The following B4GALT1 variants were observed in gnomAD, a reference collection of about 807,000 sequenced individuals.
B4GALT1 encodes the protein N-acetyllactosamine synthase.
A neutral mutation model predicts 34.9 loss-of-function variants in B4GALT1; 16 were observed. The ratio of observed to expected loss-of-function variants is 0.46; its 90% CI spans 0.31 to 0.70. The LOEUF (loss-of-function observed/expected upper bound fraction) is 0.70. Ranked by LOEUF, B4GALT1 falls within the 30% of genes least tolerant of loss-of-function variation. The pLI, the probability that B4GALT1 is intolerant of heterozygous loss-of-function variation, is 0.05. For synonymous variants in B4GALT1, 221 were observed against 218.1 expected, an observed-to-expected ratio of 1.01 and a Z score of -0.12; for missense variants, 445 against 530.5, an observed-to-expected ratio of 0.84 and a Z score of 1.58.
At chr9:33,135,548 G>T in intron 1 of B4GALT1, 124 bp from the exon 2 acceptor site, 1 of 973,982 alleles carries the variant, frequency 1.0e-6, no homozygotes. Flanking sequence ...GGGAGGCAAC[G>T]TGGCCACGGA....
the B4GALT1 span, among the ~76,000 whole-genome samples, chr9:33,172,469 C>T: frequency 6.6e-6 from 1 of 152,268 alleles, no homozygotes; most frequent in South Asian, 2.1e-4. Flanking sequence ...CCTGTTTGTT[C>T]CAACTGATTT....
At chr9:33,180,758 C>T in the B4GALT1 span, among the ~76,000 whole-genome samples, 2 of 152,148 alleles carry the variant, frequency 1.3e-5, no homozygotes, top group South Asian at 4.1e-4. Context: ...AGGGGAGGAA[C>T]GAATCTTCCC....
At chr9:33,155,067 C>A (rs1005762536) in intron 1 of B4GALT1, among the ~76,000 whole-genome samples, 2 of 152,114 alleles carry the variant, frequency 1.3e-5, no homozygotes, top group African/African-American at 4.8e-5. Flanking sequence ...AATGGTCCTA[C>A]CACAAAGCCA....
chr9:33,107,796 G>A (rs986942359), downstream of B4GALT1, among the ~76,000 whole-genome samples: 3 of 152,010 alleles, frequency 2.0e-5, no homozygotes, highest in Non-Finnish European at 4.4e-5. Context: ...TGGGGAGGGG[G>A]TTAAACCTCT....
chr9:33,145,564 G>A (rs1840413169), intron 1 of B4GALT1, among the ~76,000 whole-genome samples: 1 of 152,166 alleles, frequency 6.6e-6, no homozygotes, highest in African/African-American at 2.4e-5. Context: ...AGAGAATCCT[G>A]GCAGACAAGG....
At chr9:33,135,925 G>C (rs1356259258) in intron 1 of B4GALT1, among the ~76,000 whole-genome samples, 1 of 151,440 alleles carries the variant, frequency 6.6e-6, no homozygotes, top group African/African-American at 2.4e-5. Context: ...GTGTGTGTGT[G>C]TGTGTGTGTG....
At chr9:33,177,305 A>AC in the B4GALT1 span, 1 of 151,848 alleles carries the variant, frequency 6.6e-6, no homozygotes, top group Non-Finnish European at 1.5e-5. Context: ...CCTCCTTCCT[A>AC]CCCTTCAGGA....
At chr9:33,166,653 G>A in intron 1 of B4GALT1, 105 bp downstream of exon 1, 1 of 1,254,602 alleles carries the variant, frequency 8.0e-7, no homozygotes, top group Non-Finnish European at 1.1e-6. Context: ...GAAGAGGGAG[G>A]CTGGCTGTCG....
At chr9:33,176,849 T>A in the B4GALT1 span, among the ~76,000 whole-genome samples, 17 of 146,176 alleles carry the variant, frequency 1.2e-4, no homozygotes, top group South Asian at 1.3e-3. Context: ...CATTTTTTTT[T>A]AAATTGCTAC....
chr9:33,128,901 T>C (rs1418347245), intron 2 of B4GALT1, among the ~76,000 whole-genome samples: 1 of 152,146 alleles, frequency 6.6e-6, no homozygotes, highest in Non-Finnish European at 1.5e-5. Flanking sequence ...ACTGCTGAGG[T>C]AGGGTGACAG....
At position 33,166,832 on chromosome 9, in the gene B4GALT1, T is replaced by C; in HGVS notation, c.338A>G (p.Asn113Ser). The change falls in exon 1 of 6, where the codon AAC becomes AGC. Residue 113 changes from asparagine (N) to serine (S), a missense_variant. Asn to Ser is a conservative substitution (Grantham distance 46). Coordinates refer to ENST00000379731, the MANE Select transcript of B4GALT1 (RefSeq NM_001497.4). Reference sequence around the variant, plus strand: ...GTGGGGCACTGGGACCGAGGTCAAGTTGCTAGCGGGGCCAGGGCCAGAATC... The same window carrying C: ...GTGGGGCACTGGGACCGAGGTCAAGCTGCTAGCGGGGCCAGGGCCAGAATC... ...VVDSGPGPASNLTSVPVPHTT... is the reference protein window; with the variant it reads ...VVDSGPGPASSLTSVPVPHTT... 6.4e-7 allele frequency: 1 copy of C among 1,553,852 alleles called. No individual in the cohort carries two copies. The highest frequency in any genetic ancestry group is 8.7e-7 in the Non-Finnish European group (1 of 1,155,848).
In B4GALT1 at chr9:33,156,121, CT is replaced by C. The variant is rs766721273; in HGVS notation, c.412+10636del. Among the ~76,000 whole-genome samples the C allele has an allele frequency of 3.1e-3, 452 of 144,752 alleles. 2 individuals carry two copies. The highest frequency in any genetic ancestry group is 0.016 in the East Asian group (81 of 4,974). 95.0% of individuals were successfully genotyped at this position (144,752 alleles called of 152,430 possible). A position where few individuals can be genotyped will look rare whatever the true frequency, so the allele number is the denominator to read the frequency against. Reference sequence around the variant, plus strand: ...ATGCCCCATCTGCTGGATCTGTAAACTTTTTTTTTTTTCGGGGGGCGGGGGA... The same window carrying C: ...ATGCCCCATCTGCTGGATCTGTAAACTTTTTTTTTTTCGGGGGGCGGGGGA... On this transcript the variant is annotated intron_variant, in intron 1 of 5. Transcript: ENST00000379731.
intron 1 of B4GALT1, among the ~76,000 whole-genome samples, chr9:33,149,013 G>T (rs1840469692): frequency 6.6e-6 from 1 of 152,034 alleles, no homozygotes; most frequent in African/African-American, 2.4e-5. Context: ...ATTAATATAT[G>T]AATTAATTAA....
chr9:33,181,463 C>T, the B4GALT1 span, among the ~76,000 whole-genome samples: 2 of 150,638 alleles, frequency 1.3e-5, no homozygotes, highest in South Asian at 4.2e-4. Context: ...CACACACAAA[C>T]TATTCTTAGA....
At chr9:33,172,670 C>T in the B4GALT1 span, among the ~76,000 whole-genome samples, 1 of 152,192 alleles carries the variant, frequency 6.6e-6, no homozygotes, top group South Asian at 2.1e-4. Flanking sequence ...TGCAGTGGCT[C>T]ACGCCTTTAA....
At chr9:33,176,323 A>G in the B4GALT1 span, among the ~76,000 whole-genome samples, 6 of 152,186 alleles carry the variant, frequency 3.9e-5, no homozygotes, top group Non-Finnish European at 7.3e-5. Flanking sequence ...CTTGTAGGGG[A>G]AAAAACTGTG....
At chr9:33,146,739 G>A (rs1840431451) in intron 1 of B4GALT1, among the ~76,000 whole-genome samples, 1 of 151,038 alleles carries the variant, frequency 6.6e-6, no homozygotes, top group Non-Finnish European at 1.5e-5. Flanking sequence ...TGTCACTCAG[G>A]CTGGAGTGCA....
intron 3 of B4GALT1, among the ~76,000 whole-genome samples, chr9:33,119,356 G>A (rs1839987290): frequency 6.6e-6 from 1 of 152,196 alleles, no homozygotes. Flanking sequence ...CATTTTGGTG[G>A]AAAAATTTGG....
At chr9:33,176,541 T>G in the B4GALT1 span, among the ~76,000 whole-genome samples, 1 of 152,156 alleles carries the variant, frequency 6.6e-6, no homozygotes, top group African/African-American at 2.4e-5. Flanking sequence ...AGAACAAAAT[T>G]ATGTCCTTTG....
Sources: gnomAD v4.1 joint callset for allele counts (sites outside exome capture counted in the v4.1 genomes callset) on GRCh38, gnomAD v4.1.1 for gene constraint, MANE v1.5 for transcripts, NCBI Gene and HGNC (gene_info 2026-07-23, HGNC 2026-07-21) for gene names.